Variants in SLC8A1 observed in about 807,000 individuals in gnomAD.
The protein encoded by SLC8A1 is sodium/calcium exchanger 1.
A neutral mutation model predicts 68.3 loss-of-function variants in SLC8A1; 18 were observed. The ratio of observed to expected loss-of-function variants is 0.26; its 90% CI spans 0.18 to 0.39. SLC8A1 has a LOEUF of 0.39. Ranked by LOEUF, SLC8A1 falls within the 10% of genes least tolerant of loss-of-function variation. SLC8A1 has a pLI of 1.00. For synonymous variants in SLC8A1, 475 were observed against 415.5 expected, an observed-to-expected ratio of 1.14 and a Z score of -1.74; for missense variants, 985 against 1,156.7, an observed-to-expected ratio of 0.85 and a Z score of 2.15.
chr2:40,240,734 C>T (rs536863154), intron 2 of SLC8A1, among the ~76,000 whole-genome samples: 7 of 152,238 alleles, frequency 4.6e-5, no homozygotes, highest in Admixed American at 1.3e-4. Context: ...AAAGTGAAGT[C>T]GGGCATGGCA....
At chr2:40,244,063 C>T (rs1437911177) in intron 2 of SLC8A1, among the ~76,000 whole-genome samples, 1 of 151,716 alleles carries the variant, frequency 6.6e-6, no homozygotes, top group Non-Finnish European at 1.5e-5. Flanking sequence ...AAAAAATGAA[C>T]ATCTGAGCAA....
chr2:40,351,610 T>G (rs575658870), intron 2 of SLC8A1, among the ~76,000 whole-genome samples: 1 of 149,506 alleles, frequency 6.7e-6, no homozygotes, highest in Admixed American at 6.6e-5. Context: ...GTTGGAAAAC[T>G]CATATTCTAG....
chr2:40,184,122 G>C (rs2050171535), intron 2 of SLC8A1, among the ~76,000 whole-genome samples: 1 of 152,180 alleles, frequency 6.6e-6, no homozygotes, highest in Non-Finnish European at 1.5e-5. Context: ...GCTGCAGTGA[G>C]ATGTGATCAT....
At chr2:40,447,723 T>C (rs564132048) in intron 1 of SLC8A1, among the ~76,000 whole-genome samples, 5 of 152,344 alleles carry the variant, frequency 3.3e-5, no homozygotes, top group South Asian at 2.1e-4. Flanking sequence ...ATGGTTCTAA[T>C]TGTGAAAGTT....
intron 2 of SLC8A1, among the ~76,000 whole-genome samples, chr2:40,230,734 A>G (rs147044791): frequency 6.6e-6 from 1 of 152,322 alleles, no homozygotes; most frequent in East Asian, 1.9e-4. Flanking sequence ...GCTCTATACC[A>G]TATTTACTTA....
At chr2:40,180,941 C>A (rs2049410052) in intron 2 of SLC8A1, among the ~76,000 whole-genome samples, 1 of 134,764 alleles carries the variant, frequency 7.4e-6, no homozygotes, top group African/African-American at 2.8e-5. Flanking sequence ...ATATTTAAAT[C>A]TTTTAATAGC....
intron 2 of SLC8A1, among the ~76,000 whole-genome samples, chr2:40,364,054 G>C (rs1422884249): frequency 6.6e-6 from 1 of 151,928 alleles, no homozygotes; most frequent in Non-Finnish European, 1.5e-5. Flanking sequence ...TATCACTATA[G>C]CCAATTTTTA....
intron 2 of SLC8A1, among the ~76,000 whole-genome samples, chr2:40,357,627 T>G (rs1673122414): frequency 6.6e-6 from 1 of 152,046 alleles, no homozygotes; most frequent in Non-Finnish European, 1.5e-5. Context: ...CTATGGCGTG[T>G]GTAACAAACC....
intron 2 of SLC8A1, among the ~76,000 whole-genome samples, chr2:40,364,445 T>C (rs1441398243): frequency 2.7e-5 from 3 of 110,782 alleles, no homozygotes; most frequent in African/African-American, 1.6e-4. Flanking sequence ...GTATGGCAAG[T>C]AAAACAAAAA....
At chr2:40,253,038 TCAGTA>T (rs2063147342) in intron 2 of SLC8A1, among the ~76,000 whole-genome samples, 1 of 47,150 alleles carries the variant, frequency 2.1e-5, no homozygotes, top group Non-Finnish European at 9.0e-5. Flanking sequence ...TACATATGTA[TCAGTA>T]TATGTATATA....
At chr2:40,485,287 A>T (rs945136365) in intron 1 of SLC8A1, among the ~76,000 whole-genome samples, 1 of 152,144 alleles carries the variant, frequency 6.6e-6, no homozygotes, top group African/African-American at 2.4e-5. Flanking sequence ...GAACTACATC[A>T]ATGTCTTAGG....
At chr2:40,127,087 A>G (rs115792645) in intron 7 of SLC8A1, among the ~76,000 whole-genome samples, 1,834 of 152,320 alleles carry the variant, frequency 0.012, 32 homozygotes, top group African/African-American at 0.041. Context: ...TTTGAGGATC[A>G]AGAATGCCAC....
intron 1 of SLC8A1, among the ~76,000 whole-genome samples, chr2:40,462,026 A>ATTTTTTTTTTTTTTTT (rs1703377885): frequency 6.0e-5 from 1 of 16,656 alleles, no homozygotes; most frequent in African/African-American, 2.8e-4. Flanking sequence ...TTTTTTTTTG[A>ATTTTTTTTTTTTTTTT]GGTGGAGTCT....
chr2:40,485,763 A>T (rs1372869379), intron 1 of SLC8A1, among the ~76,000 whole-genome samples: 1 of 152,164 alleles, frequency 6.6e-6, no homozygotes, highest in African/African-American at 2.4e-5. Flanking sequence ...AAGAAACTTC[A>T]CCAATCATGG....
chr2:40,217,137 C>A (rs2057623029), intron 2 of SLC8A1, among the ~76,000 whole-genome samples: 1 of 152,146 alleles, frequency 6.6e-6, no homozygotes, highest in Admixed American at 6.5e-5. Flanking sequence ...ACATTAAAGT[C>A]TTGAATCCAT....
chr2:40,246,951 G>C (rs1223887053), intron 2 of SLC8A1, among the ~76,000 whole-genome samples: 1 of 151,802 alleles, frequency 6.6e-6, no homozygotes, highest in African/African-American at 2.4e-5. Context: ...AAAAAAAAAA[G>C]AATATTTTCC....
intron 7 of SLC8A1, among the ~76,000 whole-genome samples, chr2:40,122,227 T>TGCGCGCGCACACACACACACACAC (rs762972889): frequency 5.8e-5 from 8 of 137,470 alleles, no homozygotes; most frequent in African/African-American, 2.2e-4. Context: ...CACACACACG[T>TGCGCGCGCACACACACACACACAC]GTGCGCGCGC....
intron 2 of SLC8A1, among the ~76,000 whole-genome samples, chr2:40,241,828 G>C (rs1467175076): frequency 1.3e-5 from 2 of 152,054 alleles, no homozygotes; most frequent in Admixed American, 1.3e-4. Flanking sequence ...TTGCCTATTT[G>C]TTCCAATCTA....
chr2:40,104,362 G>C (rs2034072207), exon 8 of SLC8A1: 1 of 152,198 alleles, frequency 6.6e-6, no homozygotes. Flanking sequence ...TTCCCAACTT[G>C]AAATGTTGAA....
Sources: gnomAD v4.1 joint callset for allele counts (sites outside exome capture counted in the v4.1 genomes callset) on GRCh38, gnomAD v4.1.1 for gene constraint, MANE v1.5 for transcripts, NCBI Gene and HGNC (gene_info 2026-07-23, HGNC 2026-07-21) for gene names.